Variants in RERE observed in about 807,000 individuals in gnomAD.
RERE encodes the protein arginine-glutamic acid dipeptide repeats protein.
In RERE, 40 loss-of-function variants were observed where a neutral mutation model predicts 146.1. That is an observed-to-expected ratio of 0.27 (90% CI 0.21 to 0.36). The LOEUF is 0.36. RERE is among the 10% of genes least tolerant of loss of function. RERE has a pLI of 1.00. For missense variants in RERE, 1,933 were observed against 2,138.7 expected (o/e 0.90, Z 1.90); for synonymous variants, 1,003 against 866.0 (o/e 1.16, Z -2.78).
intron 12 of RERE, among the ~76,000 whole-genome samples, chr1:8,416,515 G>A (rs1328878211): frequency 2.0e-5 from 3 of 151,224 alleles, no homozygotes; most frequent in Admixed American, 1.3e-4. Context: ...GAACCTGGGA[G>A]GCGGAGCTTG....
At chr1:8,378,387 G>T (rs192026933) in intron 12 of RERE, among the ~76,000 whole-genome samples, 5 of 152,356 alleles carry the variant, frequency 3.3e-5, no homozygotes, top group African/African-American at 1.2e-4. Context: ...CTGTCTTTAT[G>T]CAACTGTATT....
intron 8 of RERE, among the ~76,000 whole-genome samples, chr1:8,504,705 T>C (rs1275824834): frequency 6.6e-6 from 1 of 151,946 alleles, no homozygotes; most frequent in African/African-American, 2.4e-5. Flanking sequence ...TACAAAAAAG[T>C]AGCCAGGTGT....
intron 4 of RERE, among the ~76,000 whole-genome samples, chr1:8,597,497 A>G (rs1490797239): frequency 1.3e-5 from 2 of 152,198 alleles, no homozygotes; most frequent in African/African-American, 4.8e-5. Context: ...AGCCAATGAG[A>G]AGGAAAAAAT....
At chr1:8,466,091 C>A (rs2124127649) in intron 10 of RERE, 68 bp from the exon 11 acceptor site, 1 of 1,282,432 alleles carries the variant, frequency 7.8e-7, no homozygotes, top group South Asian at 1.4e-5. Flanking sequence ...CGATCCAAGG[C>A]AAGCTCCTCA....
At chr1:8,447,429 G>T (rs1459552350) in intron 11 of RERE, among the ~76,000 whole-genome samples, 1 of 152,160 alleles carries the variant, frequency 6.6e-6, no homozygotes, top group Non-Finnish European at 1.5e-5. Flanking sequence ...CATCTTCGTG[G>T]ATGTGTCTAC....
chr1:8,367,941 C>T (rs1215220674), intron 12 of RERE, among the ~76,000 whole-genome samples: 1 of 152,176 alleles, frequency 6.6e-6, no homozygotes, highest in East Asian at 1.9e-4. Flanking sequence ...CTGACATAAA[C>T]GCTGACTTGT....
At chr1:8,774,943 C>A (rs1489910002) in intron 1 of RERE, among the ~76,000 whole-genome samples, 4 of 55,940 alleles carry the variant, frequency 7.2e-5, no homozygotes, top group Non-Finnish European at 1.4e-4. Flanking sequence ...AGCATTTCTT[C>A]TTTCTTTCTT....
At chr1:8,709,209 C>T (rs765428909) in intron 1 of RERE, among the ~76,000 whole-genome samples, 5 of 151,772 alleles carry the variant, frequency 3.3e-5, no homozygotes, top group Non-Finnish European at 5.9e-5. Flanking sequence ...CGTGAGCCAC[C>T]GTGCCCGGCA....
intron 1 of RERE, among the ~76,000 whole-genome samples, chr1:8,759,877 A>ACACACACACAC (rs36011289): frequency 6.7e-6 from 1 of 150,338 alleles, no homozygotes; most frequent in African/African-American, 2.5e-5. Context: ...ACACACACAC[A>ACACACACACAC]ATATGTCTTG....
intron 2 of RERE, among the ~76,000 whole-genome samples, chr1:8,625,738 A>G (rs1034235380): frequency 6.6e-6 from 1 of 152,210 alleles, no homozygotes; most frequent in African/African-American, 2.4e-5. Context: ...GCGAAGAAAA[A>G]GCACAGAAGT....
chr1:8,578,791 T>C (rs1226395739), intron 4 of RERE, among the ~76,000 whole-genome samples: 1 of 152,180 alleles, frequency 6.6e-6, no homozygotes, highest in Non-Finnish European at 1.5e-5. Flanking sequence ...AGACAAGACA[T>C]GCTGTAAAGC....
At chr1:8,496,691 G>A (rs956325911) in intron 9 of RERE, among the ~76,000 whole-genome samples, 7 of 152,102 alleles carry the variant, frequency 4.6e-5, no homozygotes, top group African/African-American at 7.2e-5. Flanking sequence ...GCTCTGTGCC[G>A]TGTGAGGAGC....
chr1:8,604,234 T>A (rs946267245), intron 4 of RERE, among the ~76,000 whole-genome samples: 1 of 152,218 alleles, frequency 6.6e-6, no homozygotes, highest in African/African-American at 2.4e-5. Context: ...ACCGATACTA[T>A]GATTTTAACA....
At chr1:8,748,344 C>T (rs1193689866) in intron 1 of RERE, among the ~76,000 whole-genome samples, 1 of 152,154 alleles carries the variant, frequency 6.6e-6, no homozygotes, top group East Asian at 1.9e-4. Flanking sequence ...CAGCCCCACG[C>T]CAGATGCCCT....
intron 12 of RERE, among the ~76,000 whole-genome samples, chr1:8,413,685 G>A (rs1275518435): frequency 6.6e-6 from 1 of 152,150 alleles, no homozygotes; most frequent in Non-Finnish European, 1.5e-5. Flanking sequence ...CAACTCTGCT[G>A]AGATGAAATG....
At chr1:8,500,152 C>G (rs1035117168) in intron 8 of RERE, among the ~76,000 whole-genome samples, 1 of 152,142 alleles carries the variant, frequency 6.6e-6, no homozygotes, top group Non-Finnish European at 1.5e-5. Context: ...ATAACAACAA[C>G]AATAACACAA....
intron 1 of RERE, chr1:8,753,850 G>C (rs1640585475): frequency 6.6e-6 from 1 of 152,180 alleles, no homozygotes; most frequent in African/African-American, 2.4e-5. Context: ...GGGCTCCACT[G>C]TATGTAGGTC....
intron 1 of RERE, among the ~76,000 whole-genome samples, chr1:8,774,351 T>TC (rs1215430041): frequency 6.5e-5 from 9 of 137,458 alleles, no homozygotes; most frequent in Admixed American, 1.4e-4. Context: ...CAAACTATTT[T>TC]TTTTTTTTTT....
At chr1:8,664,403 C>T (rs552174627) in intron 1 of RERE, among the ~76,000 whole-genome samples, 1 of 152,250 alleles carries the variant, frequency 6.6e-6, no homozygotes, top group South Asian at 2.1e-4. Flanking sequence ...ATAATGCGTT[C>T]ATCACCAATC....
Sources: allele counts gnomAD v4.1 joint callset (sites outside exome capture counted in the v4.1 genomes callset), GRCh38; gene constraint gnomAD v4.1.1; transcripts MANE v1.5; gene names NCBI Gene and HGNC (gene_info 2026-07-23, HGNC 2026-07-21).